The following KCNC2 variants were observed in gnomAD, a reference collection of about 807,000 sequenced individuals.
KCNC2 encodes voltage-gated potassium channel KCNC2.
A neutral mutation model predicts 44.5 loss-of-function variants in KCNC2; 21 were observed. That is an observed-to-expected ratio of 0.47 (90% CI 0.33 to 0.68). The LOEUF (loss-of-function observed/expected upper bound fraction) is 0.68. Among genes scored for constraint, KCNC2 ranks in the 30% least tolerant of loss-of-function variants. The pLI is 0.01. For missense variants in KCNC2, 589 were observed against 826.2 expected (o/e 0.71, Z 3.52); for synonymous variants, 391 against 339.1 (o/e 1.15, Z -1.68).
rs1458615 is a variant in KCNC2 at position 75,202,809 on chromosome 12, G to A, written c.687+4488C>T. ...TTCCTATGTGAGTTTTTTTTTTTTAGGAAAATGTATTTTTAACACCTCTAG... is the reference window on the plus strand; with the variant it reads ...TTCCTATGTGAGTTTTTTTTTTTTAAGAAAATGTATTTTTAACACCTCTAG... On this transcript the variant is annotated intron_variant, in intron 2 of 4. Transcript: ENST00000549446. 2.9e-3 allele frequency among the ~76,000 whole-genome samples: 407 copies of A among 142,554 alleles called. 6 individuals carry two copies. The highest frequency in any genetic ancestry group is 0.01 in the African/African-American group (389 of 38,106). The allele number at this position is 142,554 out of a possible 152,430, so 93.5% of individuals were successfully genotyped here.
intron 2 of KCNC2, among the ~76,000 whole-genome samples, chr12:75,156,249 AT>A (rs11411772): frequency 3.7e-4 from 55 of 149,460 alleles, no homozygotes; most frequent in African/African-American, 8.3e-4. Flanking sequence ...CTCTCGAAAC[AT>A]TTTTTTTTTG....
intron 2 of KCNC2, among the ~76,000 whole-genome samples, chr12:75,176,500 ACTC>A (rs926056920): frequency 1.5e-4 from 22 of 151,022 alleles, no homozygotes; most frequent in African/African-American, 4.9e-4. Flanking sequence ...TTAATTCACT[ACTC>A]TTCCCCTCTG....
chr12:75,048,088 C>A, intron 4 of KCNC2, 65 bp downstream of exon 4: 2 of 1,402,638 alleles, frequency 1.4e-6, no homozygotes, highest in South Asian at 2.4e-5. Flanking sequence ...TTTTACATTA[C>A]TCCATGTATT....
At chr12:75,140,387 A>G (rs1435654929) in intron 2 of KCNC2, among the ~76,000 whole-genome samples, 4 of 152,222 alleles carry the variant, frequency 2.6e-5, no homozygotes, top group Non-Finnish European at 5.9e-5. Context: ...ATTACAATCT[A>G]TCAAATGTGT....
intron 2 of KCNC2, among the ~76,000 whole-genome samples, chr12:75,133,749 C>A (rs1009954355): frequency 6.6e-6 from 1 of 151,830 alleles, no homozygotes; most frequent in Admixed American, 6.6e-5. Context: ...TATGCAGATG[C>A]AATATATGTA....
rs755168734 is a variant in KCNC2 at position 75,050,380 on chromosome 12, C to T, written c.1615+10G>A. The T allele has an allele frequency of 2.5e-6, 4 of 1,580,002 alleles. No homozygotes were observed. Among genetic ancestry groups the T allele is most frequent in the Non-Finnish European group, 3.5e-6 (4 of 1,158,004 alleles). On this transcript the variant is annotated intron_variant, in intron 3 of 4. Coordinates refer to ENST00000549446, the MANE Select transcript of KCNC2 (RefSeq NM_139137.4). ...GTATTTAATAACATGCATTTGAAGT[C>T]CTGCCTTACCTGATCTGTTATGTTC...
At chr12:75,091,132 G>T (rs1885436349) in intron 2 of KCNC2, among the ~76,000 whole-genome samples, 1 of 151,564 alleles carries the variant, frequency 6.6e-6, no homozygotes, top group Non-Finnish European at 1.5e-5. Context: ...TAGTCTGCAT[G>T]CCTTATTTTC....
intron 2 of KCNC2, among the ~76,000 whole-genome samples, chr12:75,088,159 GGATTAAAT>G (rs1193110404): frequency 1.3e-5 from 2 of 152,118 alleles, no homozygotes; most frequent in Non-Finnish European, 2.9e-5. Flanking sequence ...GTAATTAGAA[GGATTAAAT>G]GAGGCAATGC....
chr12:75,111,279 T>C (rs1827798474), intron 2 of KCNC2, among the ~76,000 whole-genome samples: 2 of 152,172 alleles, frequency 1.3e-5, no homozygotes, highest in African/African-American at 4.8e-5. Flanking sequence ...TTTGAGGAGA[T>C]AGTTTAATAT....
At chr12:75,152,633 A>T (rs1487315620) in intron 2 of KCNC2, among the ~76,000 whole-genome samples, 1 of 152,026 alleles carries the variant, frequency 6.6e-6, no homozygotes, top group Non-Finnish European at 1.5e-5. Context: ...ATTTAAACAA[A>T]CATTAATCGT....
At chr12:75,099,777 A>G (rs1886230398) in intron 2 of KCNC2, among the ~76,000 whole-genome samples, 1 of 152,170 alleles carries the variant, frequency 6.6e-6, no homozygotes, top group Non-Finnish European at 1.5e-5. Flanking sequence ...AAAGAAAGCC[A>G]CATTTCTATG....
At chr12:75,083,927 T>TA (rs1474735438) in intron 2 of KCNC2, among the ~76,000 whole-genome samples, 2 of 151,944 alleles carry the variant, frequency 1.3e-5, no homozygotes, top group East Asian at 3.9e-4. Flanking sequence ...AAGGAATACA[T>TA]ACAGTAGTTT....
intron 2 of KCNC2, among the ~76,000 whole-genome samples, chr12:75,082,413 A>G (rs1407391385): frequency 6.6e-6 from 1 of 151,798 alleles, no homozygotes; most frequent in East Asian, 1.9e-4. Context: ...AAATTCAAAG[A>G]TGTTTGTTAT....
rs139872478 is a variant in KCNC2 at position 75,047,372 on chromosome 12, A to G, written c.1780+781T>C. Among the ~76,000 whole-genome samples, 522 of 152,170 alleles carry G rather than the reference A, an allele frequency of 3.4e-3. 3 individuals are homozygous for G. Among genetic ancestry groups the G allele is most frequent in the Middle Eastern group, 0.01 (3 of 294 alleles). On this transcript the variant is annotated intron_variant, in intron 4 of 4. Coordinates refer to ENST00000549446, the MANE Select transcript of KCNC2 (RefSeq NM_139137.4). ...TTAGACAGTTGGTACAATCAAGGGA[A>G]AAGGACCCAAATGATAAGTGGGAGC...
chr12:75,052,468 G>T (rs1881282336), intron 2 of KCNC2, among the ~76,000 whole-genome samples: 1 of 152,122 alleles, frequency 6.6e-6, no homozygotes, highest in South Asian at 2.1e-4. Flanking sequence ...CACTGTTATA[G>T]TCAGCAGTGC....
intron 2 of KCNC2, 102 bp from the exon 3 acceptor site, chr12:75,051,419 C>A (rs924395511): frequency 8.6e-6 from 6 of 698,360 alleles, no homozygotes; most frequent in Non-Finnish European, 1.4e-5. Context: ...AAAAGAATAA[C>A]AGCATATTTA....
In KCNC2 at chr12:75,050,772, G is replaced by A. The variant is rs200648638; in HGVS notation, c.1233C>T (p.Asn411=). The change falls in exon 3 of 5, where the codon AAC becomes AAT. Residue 411 remains asparagine (N), a synonymous_variant. Coordinates refer to ENST00000549446, the MANE Select transcript of KCNC2 (RefSeq NM_139137.4). ...GTGTGTGCTCACTAGCTGAAGGGTCGTTAGGTTGAGCTCCCACTCTCTCGG... is the reference window on the plus strand; with the variant it reads ...GTGTGTGCTCACTAGCTGAAGGGTCATTAGGTTGAGCTCCCACTCTCTCGG... ...YYAERVGAQP[N]DPSASEHTQF... The A allele has an allele frequency of 1.7e-5, 28 of 1,613,430 alleles. No homozygotes were observed. The highest frequency in any genetic ancestry group is 4.5e-5 in the East Asian group (2 of 44,826).
intron 2 of KCNC2, among the ~76,000 whole-genome samples, chr12:75,150,615 C>T (rs1230840204): frequency 1.1e-4 from 16 of 151,882 alleles, no homozygotes; most frequent in Admixed American, 6.6e-5. Flanking sequence ...CTATCCATTG[C>T]TAGACTGTGA....
intron 2 of KCNC2, among the ~76,000 whole-genome samples, chr12:75,155,917 G>T (rs917511832): frequency 1.3e-5 from 2 of 151,844 alleles, no homozygotes; most frequent in Non-Finnish European, 2.9e-5. Context: ...GACTGTACAT[G>T]AATAGAGAGA....
Sources: allele counts gnomAD v4.1 joint callset (sites outside exome capture counted in the v4.1 genomes callset), GRCh38; gene constraint gnomAD v4.1.1; transcripts MANE v1.5; gene names NCBI Gene and HGNC (gene_info 2026-07-23, HGNC 2026-07-21).